KIF25: variants seen among roughly 807,000 people sequenced by gnomAD.
KIF25 encodes kinesin family member 25, also known as kinesin-like protein KIF25.
A neutral mutation model predicts 32.9 loss-of-function variants in KIF25; 19 were observed. That is an observed-to-expected ratio of 0.58 (90% confidence interval 0.40 to 0.85). KIF25 has a LOEUF of 0.85. Among genes scored for constraint, KIF25 ranks in the 40% least tolerant of loss-of-function variants. The pLI is 0.00. For missense variants in KIF25, 485 were observed against 507.0 expected, an observed-to-expected ratio of 0.96 and a Z score of 0.42; for synonymous variants, 225 against 213.7, an observed-to-expected ratio of 1.05 and a Z score of -0.46.
chr6:168,021,542 T>A (rs1475970931), intron 5 of KIF25, among the ~76,000 whole-genome samples: 2 of 152,254 alleles, frequency 1.3e-5, no homozygotes, highest in African/African-American at 4.8e-5. Flanking sequence ...ATACCTGACA[T>A]AAAAGTTTAC....
intron 2 of KIF25, among the ~76,000 whole-genome samples, chr6:168,000,144 T>C (rs1583120777): frequency 4.1e-5 from 2 of 48,890 alleles, no homozygotes; most frequent in Non-Finnish European, 7.6e-5. Flanking sequence ...CCCTCCCCAC[T>C]CCCATCCTGT....
At chr6:168,041,782 T>C (rs1302782507) in intron 10 of KIF25, among the ~76,000 whole-genome samples, 187 bp from the exon 11 acceptor site, 1 of 152,260 alleles carries the variant, frequency 6.6e-6, no homozygotes, top group Non-Finnish European at 1.5e-5. Flanking sequence ...AGCTGCTTTC[T>C]AACTTGTGTT....
chr6:168,043,065 A>T (rs1799154724), intron 12 of KIF25, among the ~76,000 whole-genome samples: 1 of 152,134 alleles, frequency 6.6e-6, no homozygotes, highest in Non-Finnish European at 1.5e-5. Context: ...CCGGCTGTGT[A>T]GACCTGCTTA....
chr6:167,999,621 G>A (rs911984048), intron 2 of KIF25, among the ~76,000 whole-genome samples: 2 of 152,112 alleles, frequency 1.3e-5, no homozygotes, highest in Admixed American at 6.5e-5. Context: ...GGGTCCGACC[G>A]AACAGGGACA....
intron 5 of KIF25, among the ~76,000 whole-genome samples, chr6:168,027,419 A>C (rs1416510816): frequency 7.1e-6 from 1 of 141,486 alleles, no homozygotes; most frequent in East Asian, 2.1e-4. Context: ...GGGCCATTGC[A>C]CTCCAGCCTG....
At chr6:168,002,103 GAAAGACACC>G (rs1562379092) in intron 2 of KIF25, among the ~76,000 whole-genome samples, 4,746 of 45,542 alleles carry the variant, frequency 0.1, 763 homozygotes, top group Admixed American at 0.12. Context: ...GGGCAGGTGA[GAAAGACACC>G]TGAGGCGTGG....
rs55754130 is a variant in KIF25 at position 168,042,781 on chromosome 6, T to G, written c.985+65T>G. 6,787 of 1,531,874 alleles carry G rather than the reference T, an allele frequency of 4.4e-3. 287 individuals carry two copies. The African/African-American group carries it at 0.084, about 19-fold the overall frequency. The allele number at this position is 1,531,874 out of a possible 1,614,324, so 94.9% of individuals were successfully genotyped here. ...CGTACCCCAGGACATGTGCACACAC[T>G]TCTGGCCTGCACGTCCTCGAGGGCC... On this transcript the variant is annotated intron_variant, in intron 12 of 12. Coordinates refer to ENST00000643607, the MANE Select transcript of KIF25 (RefSeq NM_030615.4).
At chr6:168,029,464 T>TA in intron 5 of KIF25, 28 bp from the exon 6 acceptor site, 4 of 1,465,628 alleles carry the variant, frequency 2.7e-6, no homozygotes, top group Non-Finnish European at 3.7e-6. Context: ...GTAATACTGT[T>TA]ACGTTTTCAA....
In KIF25 at chr6:168,002,539, T is replaced by G. The variant is rs1798522465; in HGVS notation, c.-369-4T>G. 1 of 152,230 alleles carries G rather than the reference T, an allele frequency of 6.6e-6. No homozygotes were observed. Among genetic ancestry groups the G allele is most frequent in the Non-Finnish European group, 1.5e-5 (1 of 68,068 alleles). The allele number at this position is 152,230 out of a possible 1,614,324, so 9.4% of individuals were successfully genotyped here. On this transcript the variant is annotated splice_polypyrimidine_tract_variant and splice_region_variant and intron_variant, in intron 2 of 12. Transcript: ENST00000643607. ...TGGTTTTGAAACATGTTGCATTTTT[T>G]CAGATTCATGATGGCTTGCAGATGC...
chr6:168,011,002 C>T (rs564344602), intron 4 of KIF25, among the ~76,000 whole-genome samples: 2 of 152,032 alleles, frequency 1.3e-5, no homozygotes, highest in Admixed American at 6.5e-5. Context: ...CGTCTCTTTA[C>T]AGTTGAGGTG....
intron 4 of KIF25, among the ~76,000 whole-genome samples, chr6:168,011,710 T>A (rs564486397): frequency 6.6e-6 from 1 of 152,242 alleles, no homozygotes; most frequent in African/African-American, 2.4e-5. Context: ...GACCTAGATG[T>A]CCATTTCTCT....
chr6:168,007,955 C>G (rs531259431), intron 4 of KIF25, among the ~76,000 whole-genome samples: 1 of 152,304 alleles, frequency 6.6e-6, no homozygotes, highest in African/African-American at 2.4e-5. Flanking sequence ...TTTCTGTGGG[C>G]CCACAGGCCC....
intron 12 of KIF25, 105 bp downstream of exon 12, chr6:168,042,821 T>C: frequency 7.6e-7 from 1 of 1,319,682 alleles, no homozygotes; most frequent in Non-Finnish European, 1.0e-6. Flanking sequence ...ATGCACCCCC[T>C]GCACCTCCTG....
At chr6:168,014,294 A>G (rs1449353914) in intron 4 of KIF25, among the ~76,000 whole-genome samples, 2 of 152,172 alleles carry the variant, frequency 1.3e-5, no homozygotes, top group African/African-American at 4.8e-5. Flanking sequence ...TATTATGATT[A>G]TTAACATCAC....
intron 7 of KIF25, among the ~76,000 whole-genome samples, chr6:168,031,584 G>A (rs1239981910): frequency 2.0e-5 from 3 of 152,200 alleles, no homozygotes; most frequent in Admixed American, 1.3e-4. Flanking sequence ...GGGCCGCTCC[G>A]CCAATCATGA....
intron 4 of KIF25, among the ~76,000 whole-genome samples, chr6:168,009,617 AG>A (rs1798622988): frequency 6.6e-6 from 1 of 151,956 alleles, no homozygotes; most frequent in African/African-American, 2.4e-5. Context: ...CCCCTGCTTC[AG>A]TTTTTTTTGC....
At chr6:168,006,852 T>C (rs1336564251) in intron 4 of KIF25, among the ~76,000 whole-genome samples, 1 of 152,170 alleles carries the variant, frequency 6.6e-6, no homozygotes, top group Non-Finnish European at 1.5e-5. Flanking sequence ...TTTCAAAAGG[T>C]AGTTTTAGTT....
chr6:168,040,266 T>G, intron 10 of KIF25, 50 bp downstream of exon 10: 6 of 1,557,156 alleles, frequency 3.9e-6, no homozygotes, highest in Non-Finnish European at 5.2e-6. Flanking sequence ...AAAAACCCAC[T>G]TAAGAAGAAA....
intron 7 of KIF25, among the ~76,000 whole-genome samples, chr6:168,032,303 G>A (rs754942869): frequency 1.3e-5 from 2 of 152,150 alleles, no homozygotes; most frequent in Non-Finnish European, 2.9e-5. Context: ...TTCCTTCTCC[G>A]GGAAGTTTCC....
Sources: allele counts gnomAD v4.1 joint callset (sites outside exome capture counted in the v4.1 genomes callset), GRCh38; gene constraint gnomAD v4.1.1; transcripts MANE v1.5; gene names NCBI Gene and HGNC (gene_info 2026-07-23, HGNC 2026-07-21).